The following MAFF variants were observed in gnomAD, a reference collection of about 807,000 sequenced individuals.
MAFF encodes MAF bZIP transcription factor F, also known as transcription factor MafF.
A neutral mutation model predicts 2.7 loss-of-function variants in MAFF; 4 were observed. The observed-to-expected ratio is 1.48, with a 90% CI of 0.73 to 3.39. The LOEUF (loss-of-function observed/expected upper bound fraction) is 3.39, where lower values mean the gene tolerates loss of function less well. MAFF is among the 30% of genes most tolerant of loss of function. The pLI is 0.01. For missense variants in MAFF, 190 were observed against 246.6 expected, an observed-to-expected ratio of 0.77 and a Z score of 1.54; for synonymous variants, 113 against 119.4, an observed-to-expected ratio of 0.95 and a Z score of 0.35.
chr22:38,206,904 A>T (rs2146013050), intron 1 of MAFF, among the ~76,000 whole-genome samples: 1 of 152,224 alleles, frequency 6.6e-6, no homozygotes, highest in South Asian at 2.1e-4. Context: ...ACGGCTGGTA[A>T]GGGGGCCTGG....
Position 38,214,841 on chromosome 22 carries a change from G to A in MAFF, c.458G>A (p.Gly153Asp), listed in dbSNP as rs1023745513. The A allele has an allele frequency of 4.5e-5, 68 of 1,502,494 alleles. No homozygotes were observed. Among genetic ancestry groups the A allele is most frequent in the Non-Finnish European group, 5.5e-5 (62 of 1,128,362 alleles). The allele number at this position is 1,502,494 out of a possible 1,614,324, so 93.1% of individuals were successfully genotyped here. The change falls in exon 3 of 3, where the codon GGC becomes GAC. Residue 153 changes from glycine to aspartate, a missense_variant. Around this residue, in one of 2 missense-constraint regions of MAFF, gnomAD observed 103 missense variants for 103.0 expected, o/e 1.00. Transcript: ENST00000338483. The surrounding 1 kb of genome is among the most constrained non-coding windows in gnomAD (Gnocchi z 6.3). The stretch of plus-strand genomic sequence containing the variant: ...GGCTCGGGGTCTGGCCCCGCCCACG[G>A]CCCGGACCCCGCCCACGGCCCGGCC... ...TPGSGSGPAH[G>D]PDPAHGPASC...
intron 1 of MAFF, among the ~76,000 whole-genome samples, chr22:38,212,573 G>A (rs902089126): frequency 5.3e-5 from 8 of 152,290 alleles, no homozygotes; most frequent in African/African-American, 1.9e-4. Flanking sequence ...ATAAATAGTT[G>A]TTGAAGGAGC....
At chr22:38,213,139 T>G (rs1269910904) in intron 1 of MAFF, among the ~76,000 whole-genome samples, 1 of 140,020 alleles carries the variant, frequency 7.1e-6, no homozygotes, top group Non-Finnish European at 1.5e-5. Context: ...ATCGCGCCCC[T>G]GCACTCCAGC....
rs1568997498 is a variant in MAFF at position 38,206,337 on chromosome 22, C to T, written c.-32+4125C>T. On this transcript the variant is annotated intron_variant, in intron 1 of 2. Coordinates refer to ENST00000338483, the MANE Select transcript of MAFF (RefSeq NM_012323.4). ...ATGAGGTGATCTTTCTTGCCTATGCCTCCTTTTTTTTTTTTTTTTTTTTTG... is the reference window on the plus strand; with the variant it reads ...ATGAGGTGATCTTTCTTGCCTATGCTTCCTTTTTTTTTTTTTTTTTTTTTG... 3.4e-5 allele frequency among the ~76,000 whole-genome samples: 4 copies of T among 116,396 alleles called. No homozygotes were observed. The East Asian group carries it at 1.1e-3, about 32-fold the overall frequency. 76.4% of individuals were successfully genotyped at this position (116,396 alleles called of 152,430 possible). A position where few individuals can be genotyped will look rare whatever the true frequency, so the allele number is the denominator to read the frequency against.
intron 1 of MAFF, among the ~76,000 whole-genome samples, chr22:38,204,933 T>C (rs1337271802): frequency 6.6e-6 from 1 of 151,682 alleles, no homozygotes; most frequent in Non-Finnish European, 1.5e-5. Context: ...GGAGGATCAA[T>C]GATGGGGATT....
Position 38,214,749 on chromosome 22 carries a change from C to T in MAFF, c.366C>T (p.Ala122=). 7.1e-7 allele frequency: 1 copy of T among 1,406,264 alleles called. No homozygotes were observed. The allele number at this position is 1,406,264 out of a possible 1,614,324, so 87.1% of individuals were successfully genotyped here. ...TGCAGGGCTTCGCGCGCTCCGTGGC[C>T]GCCGCCCGCGGGCCCGCCACGCTCG... is the stretch of plus-strand genomic sequence containing the variant. ...EALQGFARSV[A]AARGPATLVA... is the part of the protein sequence containing the mutation. The change falls in exon 3 of 3, where the codon GCC becomes GCT. Residue 122 remains alanine, a synonymous_variant. Coordinates refer to ENST00000338483, the MANE Select transcript of MAFF (RefSeq NM_012323.4). This position sits in a 1 kb window ranked among gnomAD's most constrained non-coding sequence, Gnocchi z 6.3.
chr22:38,211,527 T>G (rs1568999400), intron 1 of MAFF, among the ~76,000 whole-genome samples: 1 of 151,942 alleles, frequency 6.6e-6, no homozygotes, highest in African/African-American at 2.4e-5. Context: ...GCCCGGCCAC[T>G]GGGGATCACT....
In MAFF at chr22:38,214,915, G is replaced by A. The variant is rs1393368925; in HGVS notation, c.*37G>A. 45 of 1,457,872 alleles carry A rather than the reference G, an allele frequency of 3.1e-5. No individual in the cohort carries two copies. Among genetic ancestry groups the A allele is most frequent in the Non-Finnish European group, 3.9e-5 (42 of 1,072,792 alleles). 90.3% of individuals were successfully genotyped at this position (1,457,872 alleles called of 1,614,324 possible). On this transcript the variant is annotated 3_prime_UTR_variant, in exon 3 of 3. Transcript: ENST00000338483. The surrounding 1 kb of genome is among the most constrained non-coding windows in gnomAD (Gnocchi z 6.3). ...GCCATGCCTCAGCCACGCCCCTCCG[G>A]CCTCAGCTCCCTCCCCAAAGTGCCT...
chr22:38,207,671 C>T (rs2091063930), intron 1 of MAFF, among the ~76,000 whole-genome samples: 1 of 151,434 alleles, frequency 6.6e-6, no homozygotes, highest in African/African-American at 2.4e-5. Flanking sequence ...GATCACAGCT[C>T]ACTGCCGCCT....
Position 38,214,299 on chromosome 22 carries a change from G to C in MAFF, c.37-121G>C, listed in dbSNP as rs1443316739. The C allele has an allele frequency of 1.0e-6, 1 of 966,622 alleles. No homozygotes were observed. The highest frequency in any genetic ancestry group is 1.5e-6 in the Non-Finnish European group (1 of 673,886). 59.9% of individuals were successfully genotyped at this position (966,622 alleles called of 1,614,324 possible). A position where few individuals can be genotyped will look rare whatever the true frequency, so the allele number is the denominator to read the frequency against. On this transcript the variant is annotated intron_variant, in intron 2 of 2. Transcript: ENST00000338483. This position sits in a 1 kb window ranked among gnomAD's most constrained non-coding sequence, Gnocchi z 6.3. ...CCTTCCCGGATTCCTGCTCCCCTTC[G>C]GGGTTTTGGATCAAGTCCACCCACC...
chr22:38,211,252 G>A lies in MAFF; in HGVS notation c.-31-2571G>A, dbSNP rs558030461. 2.6e-3 allele frequency among the ~76,000 whole-genome samples: 393 copies of A among 149,758 alleles called. 1 individual carries two copies. The highest frequency in any genetic ancestry group is 9.4e-3 in the African/African-American group (380 of 40,324). ...TTTCTTTTTTTTTTTTTTTTCAGAC[G>A]GAGTCTCACTCTCGCCCAGGCTGGA... On this transcript the variant is annotated intron_variant, in intron 1 of 2. Transcript: ENST00000338483.
At chr22:38,205,012 G>C (rs1322335250) in intron 1 of MAFF, among the ~76,000 whole-genome samples, 1 of 152,102 alleles carries the variant, frequency 6.6e-6, no homozygotes, top group Non-Finnish European at 1.5e-5. Flanking sequence ...GAAGGAGGAA[G>C]TGGTCTGTGG....
chr22:38,208,188 G>A (rs573603272), intron 1 of MAFF, among the ~76,000 whole-genome samples: 11 of 152,274 alleles, frequency 7.2e-5, no homozygotes, highest in Admixed American at 6.5e-4. Flanking sequence ...CCTCCCAGCT[G>A]CTCACTGACC....
intron 1 of MAFF, among the ~76,000 whole-genome samples, chr22:38,205,102 G>A (rs1432282780): frequency 2.0e-5 from 3 of 152,102 alleles, no homozygotes; most frequent in Non-Finnish European, 4.4e-5. Flanking sequence ...AGCCTTCACC[G>A]CTTTCCTTTC....
rs1355932243 is a variant in MAFF, at chr22:38,207,441, T to C, written c.-32+5229T>C. Among the ~76,000 whole-genome samples the C allele has an allele frequency of 8.0e-3, 887 of 110,724 alleles. 84 individuals are homozygous for C. The highest frequency in any genetic ancestry group is 0.025 in the African/African-American group (702 of 27,534). The allele number at this position is 110,724 out of a possible 152,430, so 72.6% of individuals were successfully genotyped here. ...TGGCCATCTTTTTTTTTTTTTTTTTTTTTTTTTTTTTTTTTTTGAGACAGA... is the reference window on the plus strand; with the variant it reads ...TGGCCATCTTTTTTTTTTTTTTTTTCTTTTTTTTTTTTTTTTTGAGACAGA... On this transcript the variant is annotated intron_variant, in intron 1 of 2. Coordinates refer to ENST00000338483, the MANE Select transcript of MAFF (RefSeq NM_012323.4).
In MAFF at chr22:38,214,754, C is replaced by G; in HGVS notation, c.371C>G (p.Ala124Gly). Residue 124 changes from alanine to glycine, a missense_variant, in exon 3 of 3, where the codon GCC (alanine) becomes GGC (glycine). By Grantham distance (60) the Ala-to-Gly change is moderately conservative (BLOSUM62 0). Coordinates refer to ENST00000338483, the MANE Select transcript of MAFF (RefSeq NM_012323.4). The surrounding 1 kb of genome is among the most constrained non-coding windows in gnomAD (Gnocchi z 6.3). ...GGCTTCGCGCGCTCCGTGGCCGCCG[C>G]CCGCGGGCCCGCCACGCTCGTGGCG... is the stretch of plus-strand genomic sequence containing the variant. Reference protein sequence around the residue: ...LQGFARSVAAARGPATLVAPA... With the variant: ...LQGFARSVAAGRGPATLVAPA... 1 of 1,406,712 alleles carries G rather than the reference C, an allele frequency of 7.1e-7. No individual in the cohort carries two copies. Among genetic ancestry groups the G allele is most frequent in the Non-Finnish European group, 9.2e-7 (1 of 1,089,270 alleles). The allele number at this position is 1,406,712 out of a possible 1,614,324, so 87.1% of individuals were successfully genotyped here. A position where few individuals can be genotyped will look rare whatever the true frequency, so the allele number is the denominator to read the frequency against.
At chr22:38,210,523 C>T (rs142255829) in intron 1 of MAFF, among the ~76,000 whole-genome samples, 433 of 151,880 alleles carry the variant, frequency 2.9e-3, no homozygotes, top group African/African-American at 9.8e-3. Context: ...GCATTCTAAT[C>T]GGGGGGTTGG....
chr22:38,211,329 C>T (rs561409050), intron 1 of MAFF, among the ~76,000 whole-genome samples: 24 of 151,778 alleles, frequency 1.6e-4, no homozygotes, highest in Non-Finnish European at 2.4e-4. Context: ...CGGGTTCAAG[C>T]GATTCTTTTG....
At position 38,214,424 on chromosome 22, in the gene MAFF, A is replaced by T; in HGVS notation, c.41A>T (p.Lys14Met). 6.3e-7 allele frequency: 1 copy of T among 1,598,088 alleles called. No individual in the cohort carries two copies. Among genetic ancestry groups the T allele is most frequent in the Non-Finnish European group, 8.5e-7 (1 of 1,172,182 alleles). The change falls in exon 3 of 3, where the codon AAG becomes ATG. Residue 14 changes from lysine to methionine, a missense_variant. Coordinates refer to ENST00000338483, the MANE Select transcript of MAFF (RefSeq NM_012323.4). The surrounding 1 kb of genome is among the most constrained non-coding windows in gnomAD (Gnocchi z 6.3). ...DPLSSKALKIKRELSENTPHL... is the reference protein window; with the variant it reads ...DPLSSKALKIMRELSENTPHL... The stretch of plus-strand genomic sequence containing the variant: ...TCAGTTTCCTCATGCCCGCAGATCA[A>T]GCGAGAGCTGAGCGAGAACACGCCG...
Sources: gnomAD v4.1 joint callset for allele counts (sites outside exome capture counted in the v4.1 genomes callset) on GRCh38, gnomAD v4.1.1 for gene constraint, gnomAD v4.1.1 regional missense constraint, Gnocchi (gnomAD v3.1) non-coding constraint, MANE v1.5 for transcripts, NCBI Gene and HGNC (gene_info 2026-07-23, HGNC 2026-07-21) for gene names.